The following DUSP16 variants were observed in gnomAD, a reference collection of about 807,000 sequenced individuals.
The protein encoded by DUSP16 is dual specificity protein phosphatase 16.
Under a neutral mutation model 58.3 loss-of-function variants are expected in DUSP16, and 21 were observed. The ratio of observed to expected loss-of-function variants is 0.36; its 90% CI spans 0.26 to 0.52. The LOEUF is 0.52. DUSP16 is among the 20% of genes least tolerant of loss of function. The probability of loss-of-function intolerance (pLI) is 0.94; values close to 1 mark genes in which losing one functional copy is unlikely to be tolerated. For missense variants in DUSP16, 726 were observed against 819.0 expected, an observed-to-expected ratio of 0.89 and a Z score of 1.39; for synonymous variants, 320 against 323.8, an observed-to-expected ratio of 0.99 and a Z score of 0.12.
chr12:12,557,709 G>A (rs763364221), intron 1 of DUSP16, among the ~76,000 whole-genome samples: 1 of 152,044 alleles, frequency 6.6e-6, no homozygotes, highest in East Asian at 1.9e-4. Flanking sequence ...CTTTACTACC[G>A]ACCACTATTT....
In DUSP16 at chr12:12,502,988, G is replaced by A. The variant is rs550955793; in HGVS notation, c.368-2306C>T. ...TGTGGGCAAGCCCCATGATCATACA[G>A]CAGAGGAAGTAAGAACACAAGCCCT... On this transcript the variant is annotated intron_variant, in intron 3 of 6. Coordinates refer to ENST00000298573, the MANE Select transcript of DUSP16 (RefSeq NM_030640.3). Among the ~76,000 whole-genome samples the A allele has an allele frequency of 2.0e-5, 3 of 152,222 alleles. No homozygotes were observed. The South Asian group carries it at 6.2e-4, about 32-fold the overall frequency.
intron 3 of DUSP16, among the ~76,000 whole-genome samples, chr12:12,518,040 A>G (rs1165459450): frequency 6.6e-6 from 1 of 152,218 alleles, no homozygotes; most frequent in African/African-American, 2.4e-5. Flanking sequence ...GTAAAGGAGT[A>G]AAGGGTACAA....
intron 1 of DUSP16, among the ~76,000 whole-genome samples, chr12:12,543,169 G>T (rs1179632125): frequency 6.7e-6 from 1 of 149,840 alleles, no homozygotes; most frequent in Non-Finnish European, 1.5e-5. Flanking sequence ...GAATGTCGTT[G>T]TGTCAACTTA....
chr12:12,492,993 G>A (rs1474902123), intron 4 of DUSP16, among the ~76,000 whole-genome samples: 2 of 152,030 alleles, frequency 1.3e-5, no homozygotes, highest in African/African-American at 2.4e-5. Flanking sequence ...GAGTGCTCAC[G>A]GCTCAATCCT....
intron 1 of DUSP16, among the ~76,000 whole-genome samples, chr12:12,532,164 CAA>C (rs59100809): frequency 0.14 from 18,973 of 140,244 alleles, 1,265 homozygotes; most frequent in Middle Eastern, 0.18. Flanking sequence ...GACTCCGTCT[CAA>C]AAAAAAAACA....
chr12:12,550,149 T>A (rs1263726882), intron 1 of DUSP16, among the ~76,000 whole-genome samples: 1 of 151,956 alleles, frequency 6.6e-6, no homozygotes, highest in Non-Finnish European at 1.5e-5. Flanking sequence ...GGAGGGTGCC[T>A]GTAATCCCAG....
chr12:12,527,231 C>T lies in DUSP16; in HGVS notation c.-365-5768G>A, dbSNP rs144159424. 5.3e-4 allele frequency among the ~76,000 whole-genome samples: 80 copies of T among 152,044 alleles called. 1 individual carries two copies. Among genetic ancestry groups the T allele is most frequent in the East Asian group, 5.2e-3 (27 of 5,182 alleles). On this transcript the variant is annotated intron_variant, in intron 1 of 6. Coordinates refer to ENST00000298573, the MANE Select transcript of DUSP16 (RefSeq NM_030640.3). The stretch of plus-strand genomic sequence containing the variant: ...TGAAGAAACAGGCAACAAGATATAC[C>T]GAAATGCCTTTCAATAGAGCCCTAA...
chr12:12,517,151 A>G (rs1419431601), intron 3 of DUSP16, among the ~76,000 whole-genome samples: 4 of 152,234 alleles, frequency 2.6e-5, no homozygotes, highest in Non-Finnish European at 4.4e-5. Context: ...GTGGGGCCAC[A>G]ATTCCTCACT....
At chr12:12,503,289 G>T (rs146599847) in intron 3 of DUSP16, among the ~76,000 whole-genome samples, 1 of 147,076 alleles carries the variant, frequency 6.8e-6, no homozygotes, top group African/African-American at 2.5e-5. Flanking sequence ...GCAGTGGCGC[G>T]ATCTTGGCTC....
intron 1 of DUSP16, among the ~76,000 whole-genome samples, chr12:12,533,343 T>C (rs1944418698): frequency 6.6e-6 from 1 of 152,224 alleles, no homozygotes; most frequent in Non-Finnish European, 1.5e-5. Flanking sequence ...TGCAAATTCC[T>C]CTAACAAAGT....
At chr12:12,558,536 T>C (rs1182971627) in intron 1 of DUSP16, among the ~76,000 whole-genome samples, 2 of 152,106 alleles carry the variant, frequency 1.3e-5, no homozygotes, top group African/African-American at 2.4e-5. Flanking sequence ...TGCGTACTAC[T>C]ACCATACCTA....
chr12:12,519,931 A>AAG lies in DUSP16; in HGVS notation c.296_297dup (p.Ser100LeufsTer44), dbSNP rs756001649. ...AGAAGTACAGTGAGAAAACAGTCTG[A>AAG]AGAGAGAGAGGCAACATCTTGGGAG... On this transcript the variant is annotated frameshift_variant, in exon 3 of 7. Coordinates refer to ENST00000298573, the MANE Select transcript of DUSP16 (RefSeq NM_030640.3). LOFTEE classifies it high-confidence loss of function. The AAG allele has an allele frequency of 6.2e-7, 1 of 1,614,102 alleles. No individual in the cohort carries two copies. Among genetic ancestry groups the AAG allele is most frequent in the Non-Finnish European group, 8.5e-7 (1 of 1,179,964 alleles).
chr12:12,504,394 C>T (rs182346926), intron 3 of DUSP16, among the ~76,000 whole-genome samples: 149 of 151,964 alleles, frequency 9.8e-4, no homozygotes, highest in Admixed American at 1.8e-3. Flanking sequence ...CCCGAGTAGC[C>T]AGGGCTACAG....
intron 1 of DUSP16, among the ~76,000 whole-genome samples, chr12:12,559,808 C>A (rs184451368): frequency 6.6e-6 from 1 of 152,296 alleles, no homozygotes; most frequent in Non-Finnish European, 1.5e-5. Flanking sequence ...AATCCTGCCT[C>A]TTATTCTGAT....
intron 1 of DUSP16, among the ~76,000 whole-genome samples, chr12:12,544,791 T>A (rs1292779477): frequency 6.6e-6 from 1 of 152,230 alleles, no homozygotes; most frequent in Non-Finnish European, 1.5e-5. Flanking sequence ...GCCTATAATT[T>A]ATTTTTGTAA....
chr12:12,488,243 T>A (rs1002414898), intron 4 of DUSP16, among the ~76,000 whole-genome samples: 27 of 124,424 alleles, frequency 2.2e-4, no homozygotes, highest in African/African-American at 7.2e-4. Context: ...CAGAAGACAC[T>A]CTTCCCACTT....
chr12:12,546,108 A>G (rs1174235059), intron 1 of DUSP16, among the ~76,000 whole-genome samples: 3 of 152,370 alleles, frequency 2.0e-5, no homozygotes, highest in African/African-American at 7.2e-5. Flanking sequence ...ATGGATAATG[A>G]AAACATCTGA....
intron 1 of DUSP16, among the ~76,000 whole-genome samples, chr12:12,528,860 G>T (rs998612922): frequency 6.6e-6 from 1 of 152,102 alleles, no homozygotes; most frequent in African/African-American, 2.4e-5. Flanking sequence ...AGGGTGTGCG[G>T]GGGTGGCTGT....
chr12:12,562,563 G>C lies in DUSP16; in HGVS notation c.-812C>G, dbSNP rs1316066353. Among the ~76,000 whole-genome samples the C allele has an allele frequency of 6.7e-5, 10 of 149,038 alleles. No individual in the cohort carries two copies. Among genetic ancestry groups the C allele is most frequent in the Admixed American group, 3.3e-4 (5 of 15,034 alleles). On this transcript the variant is annotated 5_prime_UTR_variant, in exon 1 of 7. Transcript: ENST00000298573. ...ATACATAGAAAGAGGGGGAAAGGCG[G>C]GGGGGTGGGGTGGGGGGTTGGGGGA...
Sources: gnomAD v4.1 joint callset for allele counts (sites outside exome capture counted in the v4.1 genomes callset) on GRCh38, gnomAD v4.1.1 for gene constraint, MANE v1.5 for transcripts, NCBI Gene and HGNC (gene_info 2026-07-23, HGNC 2026-07-21) for gene names.